The following CAMK1D variants were observed in gnomAD, a reference collection of about 807,000 sequenced individuals.
CAMK1D encodes calcium/calmodulin dependent protein kinase ID.
In CAMK1D, 9 loss-of-function variants were observed where a neutral mutation model predicts 47.7. The observed-to-expected ratio is 0.19, with a 90% CI of 0.11 to 0.33. The LOEUF (loss-of-function observed/expected upper bound fraction) is 0.33. Among genes scored for constraint, CAMK1D ranks in the 10% least tolerant of loss-of-function variants. The pLI, the probability that CAMK1D is intolerant of heterozygous loss-of-function variation, is 1.00. For missense variants in CAMK1D, 291 were observed against 488.7 expected, an observed-to-expected ratio of 0.60 and a Z score of 3.81; for synonymous variants, 184 against 184.9, an observed-to-expected ratio of 0.99 and a Z score of 0.04.
At chr10:12,734,448 G>A (rs796930292) in intron 3 of CAMK1D, among the ~76,000 whole-genome samples, 8 of 4,478 alleles carry the variant, frequency 1.8e-3, no homozygotes, top group South Asian at 0.014. Context: ...ACACACATAT[G>A]TGTATATATA....
At chr10:12,679,717 T>C (rs1232718397) in intron 3 of CAMK1D, among the ~76,000 whole-genome samples, 1 of 152,204 alleles carries the variant, frequency 6.6e-6, no homozygotes, top group Non-Finnish European at 1.5e-5. Context: ...CTTTCAGTCA[T>C]CTAGAATCTC....
At chr10:12,711,848 A>C (rs958877533) in intron 3 of CAMK1D, among the ~76,000 whole-genome samples, 2 of 152,260 alleles carry the variant, frequency 1.3e-5, no homozygotes, top group East Asian at 1.9e-4. Context: ...TTCGTTTTTC[A>C]ATATGCCATG....
chr10:12,597,970 T>A (rs1838193800), intron 2 of CAMK1D, among the ~76,000 whole-genome samples: 1 of 151,726 alleles, frequency 6.6e-6, no homozygotes, highest in South Asian at 2.1e-4. Flanking sequence ...TCCCTGTGCT[T>A]GATAAGGAAA....
intron 1 of CAMK1D, among the ~76,000 whole-genome samples, chr10:12,381,732 T>C (rs1294755389): frequency 1.3e-5 from 2 of 152,284 alleles, no homozygotes; most frequent in East Asian, 1.9e-4. Context: ...TCCGCGTTCA[T>C]GTTCGGAGTC....
At chr10:12,361,622 C>T (rs1466292960) in intron 1 of CAMK1D, among the ~76,000 whole-genome samples, 6 of 142,446 alleles carry the variant, frequency 4.2e-5, no homozygotes, top group Non-Finnish European at 9.0e-5. Context: ...GTGGCGTAAT[C>T]TCTGCTCACG....
intron 1 of CAMK1D, among the ~76,000 whole-genome samples, chr10:12,401,123 ATG>A (rs1384275670): frequency 1.3e-5 from 1 of 75,060 alleles, no homozygotes; most frequent in Non-Finnish European, 2.4e-5. Context: ...TATATAATAT[ATG>A]TATTATATAT....
chr10:12,678,292 T>C (rs1840879658), intron 3 of CAMK1D, among the ~76,000 whole-genome samples: 1 of 152,236 alleles, frequency 6.6e-6, no homozygotes, highest in Admixed American at 6.5e-5. Flanking sequence ...TGTCCCTGAA[T>C]TGTTTAGTTT....
At chr10:12,624,994 T>TTTC (rs1839162263) in intron 2 of CAMK1D, among the ~76,000 whole-genome samples, 1 of 99,196 alleles carries the variant, frequency 1.0e-5, no homozygotes, top group Non-Finnish European at 2.3e-5. Context: ...CTTCCTCCTC[T>TTTC]TTCCTCCTCC....
Position 12,603,924 on chromosome 10 carries a change from C to G in CAMK1D, c.224+50568C>G, listed in dbSNP as rs1838376598. On this transcript the variant is annotated intron_variant, in intron 2 of 10. Transcript: ENST00000619168. ...TTAGAAACGCTGTGTACCCAGAGGT[C>G]TCTGGGAGTTTGCAGCACCTGCCTA... 2.0e-5 allele frequency among the ~76,000 whole-genome samples: 3 copies of G among 152,154 alleles called. 1 individual carries two copies. In the South Asian group the frequency reaches 6.2e-4, roughly 32 times the overall value.
In CAMK1D at chr10:12,715,578, C is replaced by T. The variant is rs575875810; in HGVS notation, c.300-45370C>T. ...TGTGGGAAAATCTAGCTTTTGCATA[C>T]AAAACGTGATGTCACCTTTTATGTT... On this transcript the variant is annotated intron_variant, in intron 3 of 10. Transcript: ENST00000619168. Among the ~76,000 whole-genome samples, 8 of 152,122 alleles carry T rather than the reference C, an allele frequency of 5.3e-5. No individual in the cohort carries two copies. The South Asian group carries it at 8.3e-4, about 16-fold the overall frequency.
intron 1 of CAMK1D, among the ~76,000 whole-genome samples, chr10:12,457,044 A>C (rs1833271585): frequency 1.3e-5 from 2 of 152,152 alleles, no homozygotes. Flanking sequence ...TAAAGGGGTG[A>C]TGGTGTGTAT....
intron 1 of CAMK1D, among the ~76,000 whole-genome samples, chr10:12,502,130 A>G (rs897930289): frequency 2.6e-5 from 4 of 152,152 alleles, no homozygotes; most frequent in African/African-American, 7.2e-5. Context: ...AGGACCTGTC[A>G]TAGGGCGGAG....
At chr10:12,828,659 G>GCC in intron 10 of CAMK1D, 110 bp from the exon 11 acceptor site, 1 of 613,986 alleles carries the variant, frequency 1.6e-6, no homozygotes, top group Non-Finnish European at 2.7e-6. Flanking sequence ...AAAAAAATTG[G>GCC]GCCCCCCCGC....
At chr10:12,374,586 A>G (rs530112364) in intron 1 of CAMK1D, among the ~76,000 whole-genome samples, 2 of 152,260 alleles carry the variant, frequency 1.3e-5, no homozygotes, top group South Asian at 4.1e-4. Context: ...CTCTGTCTTT[A>G]TTCTTTCATT....
At chr10:12,814,875 C>T (rs1258428076) in intron 7 of CAMK1D, among the ~76,000 whole-genome samples, 12 of 152,210 alleles carry the variant, frequency 7.9e-5, no homozygotes, top group Non-Finnish European at 2.9e-5. Flanking sequence ...GGACATCTGG[C>T]TCGAGCCACG....
chr10:12,735,434 C>T (rs928864524), intron 3 of CAMK1D, among the ~76,000 whole-genome samples: 3 of 152,074 alleles, frequency 2.0e-5, no homozygotes, highest in African/African-American at 7.2e-5. Context: ...GCCGAGATTG[C>T]GCCACTGCAC....
chr10:12,360,081 C>T (rs544979755), intron 1 of CAMK1D, among the ~76,000 whole-genome samples: 1 of 152,150 alleles, frequency 6.6e-6, no homozygotes, highest in Admixed American at 6.6e-5. Flanking sequence ...TTACTGGTGC[C>T]TCTATCACAG....
intron 1 of CAMK1D, among the ~76,000 whole-genome samples, chr10:12,414,749 T>G (rs957973495): frequency 6.6e-6 from 1 of 152,238 alleles, no homozygotes; most frequent in Non-Finnish European, 1.5e-5. Context: ...ACGCTGTTTC[T>G]TAGTCATAGT....
intron 1 of CAMK1D, among the ~76,000 whole-genome samples, chr10:12,371,549 C>G (rs1838007066): frequency 6.8e-6 from 1 of 146,320 alleles, no homozygotes; most frequent in African/African-American, 2.5e-5. Flanking sequence ...GCACTCCAGC[C>G]TGGGTGACAG....
Sources: allele counts gnomAD v4.1 joint callset (sites outside exome capture counted in the v4.1 genomes callset), GRCh38; gene constraint gnomAD v4.1.1; transcripts MANE v1.5; gene names NCBI Gene and HGNC (gene_info 2026-07-23, HGNC 2026-07-21).